The following STOX2 variants were observed in gnomAD, a reference collection of about 807,000 sequenced individuals.
The protein encoded by STOX2 is storkhead-box protein 2.
Under a neutral mutation model 60.9 loss-of-function variants are expected in STOX2, and 28 were observed. The observed-to-expected ratio is 0.46, with a 90% CI of 0.34 to 0.63. The LOEUF is 0.63. Among genes scored for constraint, STOX2 ranks in the 30% least tolerant of loss-of-function variants. STOX2 has a pLI of 0.01. For missense variants in STOX2, 1,024 were observed against 1,187.7 expected (o/e 0.86, Z 2.03); for synonymous variants, 472 against 463.9 (o/e 1.02, Z -0.22).
At chr4:183,913,360 G>A (rs1240234744) in intron 1 of STOX2, among the ~76,000 whole-genome samples, 1 of 152,128 alleles carries the variant, frequency 6.6e-6, no homozygotes, top group Non-Finnish European at 1.5e-5. Flanking sequence ...TTTTAAAGAG[G>A]TGTCAGATCG....
intron 1 of STOX2, among the ~76,000 whole-genome samples, chr4:183,802,823 G>A (rs184796445): frequency 5.3e-5 from 8 of 152,230 alleles, no homozygotes; most frequent in East Asian, 3.9e-4. Flanking sequence ...GGGTCTCACC[G>A]TATTAGCCGT....
chr4:184,003,542 G>A (rs1733682931), intron 2 of STOX2, among the ~76,000 whole-genome samples: 1 of 152,246 alleles, frequency 6.6e-6, no homozygotes, highest in Non-Finnish European at 1.5e-5. Context: ...AGCCTCAGAA[G>A]TTTGCAAGGA....
intron 1 of STOX2, among the ~76,000 whole-genome samples, chr4:183,810,363 C>G (rs918945924): frequency 4.6e-5 from 7 of 152,116 alleles, no homozygotes; most frequent in Admixed American, 1.3e-4. Flanking sequence ...GTGAGGAAGG[C>G]TTTATCAGGA....
intron 1 of STOX2, among the ~76,000 whole-genome samples, chr4:183,916,285 C>T (rs954184501): frequency 6.6e-6 from 1 of 152,188 alleles, no homozygotes; most frequent in African/African-American, 2.4e-5. Flanking sequence ...CTCCAGCCCT[C>T]CCTGGAATCC....
intron 1 of STOX2, among the ~76,000 whole-genome samples, chr4:183,897,172 C>T (rs958373477): frequency 1.3e-5 from 2 of 152,238 alleles, no homozygotes; most frequent in Non-Finnish European, 2.9e-5. Context: ...AACTAAATTC[C>T]TACTCTTTTC....
At chr4:183,800,376 G>A (rs1478845362) in intron 1 of STOX2, among the ~76,000 whole-genome samples, 1 of 152,146 alleles carries the variant, frequency 6.6e-6, no homozygotes, top group African/African-American at 2.4e-5. Context: ...AAAGCGTGAT[G>A]TTATAGGAAT....
chr4:183,854,628 A>G (rs954645401), intron 1 of STOX2, among the ~76,000 whole-genome samples: 2 of 152,232 alleles, frequency 1.3e-5, no homozygotes, highest in Non-Finnish European at 1.5e-5. Flanking sequence ...TTACATAAAA[A>G]TAGAGTTACA....
rs568796894 is a variant in STOX2 at position 184,019,079 on chromosome 4, C to G, written c.*1795C>G. On this transcript the variant is annotated 3_prime_UTR_variant, in exon 4 of 4. Coordinates refer to ENST00000308497, the MANE Select transcript of STOX2 (RefSeq NM_020225.3). ...TACACAGTTGGACTCATTCTTGAAACCTTTAAATGCTCCCTCATAGTTTTT... is the reference window on the plus strand; with the variant it reads ...TACACAGTTGGACTCATTCTTGAAAGCTTTAAATGCTCCCTCATAGTTTTT... The G allele has an allele frequency of 5.9e-5, 9 of 152,280 alleles. No homozygotes were observed. Among genetic ancestry groups the G allele is most frequent in the African/African-American group, 1.9e-4 (8 of 41,560 alleles). 9.4% of individuals were successfully genotyped at this position (152,280 alleles called of 1,614,324 possible).
intron 1 of STOX2, among the ~76,000 whole-genome samples, chr4:183,952,194 G>A (rs1025462875): frequency 2.6e-5 from 4 of 152,212 alleles, no homozygotes; most frequent in Middle Eastern, 3.2e-3. Flanking sequence ...CAGGGAAACT[G>A]CTGCAGAACC....
Position 183,909,800 on chromosome 4 carries a change from G to A in STOX2, c.166+2844G>A, listed in dbSNP as rs775171874. ...CCATTTCAAACAGTCTTTTCTCCAC[G>A]AATAAGTAATTACCAGTGTGAAATG... On this transcript the variant is annotated intron_variant, in intron 1 of 3. Transcript: ENST00000308497. 1.1e-4 allele frequency among the ~76,000 whole-genome samples: 16 copies of A among 152,250 alleles called. No individual in the cohort carries two copies. The South Asian group carries it at 2.5e-3, about 24-fold the overall frequency.
At chr4:183,844,779 A>C (rs1239083567) in intron 1 of STOX2, among the ~76,000 whole-genome samples, 1 of 152,238 alleles carries the variant, frequency 6.6e-6, no homozygotes, top group Non-Finnish European at 1.5e-5. Flanking sequence ...TAGCATGTTC[A>C]TTCATTTTAC....
intron 1 of STOX2, among the ~76,000 whole-genome samples, chr4:183,922,629 C>A (rs1742135810): frequency 6.6e-6 from 1 of 151,986 alleles, no homozygotes; most frequent in Non-Finnish European, 1.5e-5. Context: ...CAGATGTGAG[C>A]CACCGTGCCT....
chr4:183,825,048 G>A lies in STOX2; in HGVS notation c.364+26993G>A, dbSNP rs1399860513. On this transcript the variant is annotated intron_variant, in intron 1 of 2. Transcript: ENST00000513034. The surrounding 1 kb of genome is among the most constrained non-coding windows in gnomAD (Gnocchi z 4.1). ...CACACAATCTTGGGCTTGGGGATCG[G>A]GGAGGAACATGGTGGATAATCCCTG... 6.6e-6 allele frequency among the ~76,000 whole-genome samples: 1 copy of A among 152,296 alleles called. No homozygotes were observed. The highest frequency in any genetic ancestry group is 1.9e-4 in the East Asian group (1 of 5,182).
In STOX2 at chr4:184,010,468, G is replaced by C. The variant is rs745454892; in HGVS notation, c.1630G>C (p.Ala544Pro). ...RPAQTVSLQR[A>P]HISSTSYKEV... ...TGCACAGACCGTTAGTCTCCAAAGG[G>C]CTCACATTTCGTCCACAAGCTATAA... The change falls in exon 3 of 4, where the codon GCT (alanine) becomes CCT (proline). Residue 544 changes from alanine to proline, a missense_variant. This residue lies in a region of STOX2 where 922 missense variants were observed against 1,058.3 expected (regional missense o/e 0.87). Transcript: ENST00000308497. This position sits in a 1 kb window ranked among gnomAD's most constrained non-coding sequence, Gnocchi z 4.5. The C allele has an allele frequency of 5.6e-6, 9 of 1,613,846 alleles. No individual in the cohort carries two copies. In the East Asian group the frequency reaches 2.0e-4, roughly 36 times the overall value.
At chr4:183,878,747 C>T (rs1367276992) in intron 1 of STOX2, among the ~76,000 whole-genome samples, 1 of 152,194 alleles carries the variant, frequency 6.6e-6, no homozygotes, top group Admixed American at 6.5e-5. Context: ...CATTAGACTT[C>T]AAAGCAGAAA....
chr4:183,970,333 T>C (rs1743707794), intron 1 of STOX2, among the ~76,000 whole-genome samples: 1 of 152,128 alleles, frequency 6.6e-6, no homozygotes, highest in South Asian at 2.1e-4. Context: ...CTATCAGCAA[T>C]ATCCATGCTG....
intron 2 of STOX2, among the ~76,000 whole-genome samples, chr4:184,004,305 G>A (rs914499837): frequency 6.6e-6 from 1 of 152,124 alleles, no homozygotes; most frequent in African/African-American, 2.4e-5. Context: ...TAGTCTTCCA[G>A]CAAAAATTTC....
chr4:183,949,236 AAC>A (rs1269581011), intron 1 of STOX2, among the ~76,000 whole-genome samples: 3 of 152,200 alleles, frequency 2.0e-5, no homozygotes, highest in Admixed American at 6.5e-5. Context: ...TCAAGTTGTA[AAC>A]ACTCAGGAGC....
chr4:183,809,962 A>G (rs1029598819), intron 1 of STOX2, among the ~76,000 whole-genome samples: 8 of 152,234 alleles, frequency 5.3e-5, no homozygotes, highest in Admixed American at 1.3e-4. Flanking sequence ...AGGTTTTTCT[A>G]TGGAAGACTG....
Sources: gnomAD v4.1 joint callset for allele counts (sites outside exome capture counted in the v4.1 genomes callset) on GRCh38, gnomAD v4.1.1 for gene constraint, gnomAD v4.1.1 regional missense constraint, Gnocchi (gnomAD v3.1) non-coding constraint, MANE v1.5 for transcripts, NCBI Gene and HGNC (gene_info 2026-07-23, HGNC 2026-07-21) for gene names.